The following PTPRD variants were observed in gnomAD, a reference collection of about 807,000 sequenced individuals.
The protein encoded by PTPRD is receptor-type tyrosine-protein phosphatase delta.
In PTPRD, 34 loss-of-function variants were observed where a neutral mutation model predicts 214.5. The ratio of observed to expected loss-of-function variants is 0.16; its 90% confidence interval spans 0.12 to 0.21. PTPRD has a LOEUF of 0.21. Ranked by LOEUF, PTPRD falls within the 10% of genes least tolerant of loss-of-function variation. The pLI, the probability that PTPRD is intolerant of heterozygous loss-of-function variation, is 1.00. For missense variants in PTPRD, 2,545 were observed against 2,398.7 expected (o/e 1.06, Z -1.27); for synonymous variants, 1,128 against 845.7 (o/e 1.33, Z -5.79).
At chr9:8,394,843 T>C (rs771675673) in intron 36 of PTPRD, among the ~76,000 whole-genome samples, 17 of 152,216 alleles carry the variant, frequency 1.1e-4, no homozygotes, top group South Asian at 1.0e-3. Context: ...CACATCTTGA[T>C]TGGAACCTGA....
chr9:8,605,931 T>A (rs987392816), intron 14 of PTPRD, among the ~76,000 whole-genome samples: 3 of 152,136 alleles, frequency 2.0e-5, no homozygotes, highest in African/African-American at 7.2e-5. Flanking sequence ...GATGAGTCCT[T>A]TGGGTTTTTT....
chr9:10,316,951 T>C (rs776352120), intron 3 of PTPRD, among the ~76,000 whole-genome samples: 1 of 151,818 alleles, frequency 6.6e-6, no homozygotes, highest in Non-Finnish European at 1.5e-5. Context: ...AGTCTCTAAA[T>C]ATTAAAAAAA....
chr9:9,558,351 T>C (rs2082044147), intron 8 of PTPRD, among the ~76,000 whole-genome samples: 1 of 152,210 alleles, frequency 6.6e-6, no homozygotes, highest in Admixed American at 6.5e-5. Flanking sequence ...TCATGCAGAA[T>C]GTAAACATCC....
intron 3 of PTPRD, among the ~76,000 whole-genome samples, chr9:10,339,249 C>A (rs2096896956): frequency 6.6e-6 from 1 of 151,736 alleles, no homozygotes; most frequent in Non-Finnish European, 1.5e-5. Flanking sequence ...TACAACCATG[C>A]AGTTGACATT....
rs568391614 is a variant in PTPRD at position 10,458,902 on chromosome 9, AT to A, written c.-599-117886del. Among the ~76,000 whole-genome samples the A allele has an allele frequency of 1.6e-3, 250 of 151,656 alleles. 2 individuals carry two copies. Among genetic ancestry groups the A allele is most frequent in the African/African-American group, 5.4e-3 (222 of 41,386 alleles). ...CTTTTATTTTTTAACTTTAAAAAGG[AT>A]TTTTTTTTATTACACTTTTAAGTCC... is the stretch of plus-strand genomic sequence containing the variant. On this transcript the variant is annotated intron_variant, in intron 2 of 45. Transcript: ENST00000381196.
intron 3 of PTPRD, among the ~76,000 whole-genome samples, chr9:10,320,921 T>A (rs1041506896): frequency 2.0e-5 from 3 of 151,572 alleles, no homozygotes; most frequent in South Asian, 4.2e-4. Context: ...AGAAACAGGG[T>A]TTTTCCATGT....
intron 3 of PTPRD, among the ~76,000 whole-genome samples, chr9:10,286,718 C>A (rs901590234): frequency 2.0e-5 from 3 of 152,102 alleles, no homozygotes; most frequent in Non-Finnish European, 2.9e-5. Flanking sequence ...CTTGCTACAG[C>A]ATCCCAAGTA....
chr9:10,037,617 T>C (rs189621801), intron 3 of PTPRD, among the ~76,000 whole-genome samples: 8 of 150,060 alleles, frequency 5.3e-5, no homozygotes, highest in African/African-American at 2.0e-4. Context: ...ATTCAGAAAC[T>C]GACACATTCA....
chr9:9,939,183 A>G (rs1289071335), intron 4 of PTPRD, among the ~76,000 whole-genome samples: 5 of 152,262 alleles, frequency 3.3e-5, no homozygotes, highest in African/African-American at 1.2e-4. Flanking sequence ...ATGGAAATAG[A>G]CCGCTTGACC....
intron 10 of PTPRD, among the ~76,000 whole-genome samples, chr9:9,157,047 T>C (rs765447907): frequency 6.6e-6 from 1 of 152,198 alleles, no homozygotes; most frequent in Non-Finnish European, 1.5e-5. Context: ...ATGATATTTA[T>C]CTATTAATCT....
intron 2 of PTPRD, among the ~76,000 whole-genome samples, chr9:10,544,561 G>A (rs2059808691): frequency 6.6e-6 from 1 of 152,072 alleles, no homozygotes; most frequent in Non-Finnish European, 1.5e-5. Context: ...CTGAAGAAAA[G>A]AGAATTATCA....
intron 3 of PTPRD, among the ~76,000 whole-genome samples, chr9:10,088,259 A>G (rs2098381513): frequency 2.0e-5 from 3 of 151,754 alleles, no homozygotes. Flanking sequence ...CCAGTAGGAA[A>G]TTTCTTCTTT....
intron 8 of PTPRD, among the ~76,000 whole-genome samples, chr9:9,499,230 C>T (rs972052269): frequency 1.3e-4 from 19 of 151,986 alleles, no homozygotes; most frequent in South Asian, 4.1e-4. Context: ...GTTATCAAGA[C>T]GTATGATGTT....
chr9:8,602,038 C>T lies in PTPRD; in HGVS notation c.352+31279G>A, dbSNP rs574469178. 8.5e-5 allele frequency among the ~76,000 whole-genome samples: 13 copies of T among 152,104 alleles called. No homozygotes were observed. In the South Asian group the frequency reaches 2.1e-3, roughly 24 times the overall value. ...AAGATATCAGATCTCCATCTCTACA[C>T]TCAGTCACTTACACTTAGCAATGTG... On this transcript the variant is annotated intron_variant, in intron 14 of 45. Coordinates refer to ENST00000381196, the MANE Select transcript of PTPRD (RefSeq NM_002839.4).
At position 8,697,565 on chromosome 9, in the gene PTPRD, G is replaced by T. The variant is rs765324501; in HGVS notation, c.64+36215C>A. Among the ~76,000 whole-genome samples, 58 of 151,594 alleles carry T rather than the reference G, an allele frequency of 3.8e-4. 1 individual carries two copies. The highest frequency in any genetic ancestry group is 6.3e-4 in the Non-Finnish European group (43 of 67,872). Reference sequence around the variant, plus strand: ...AGCCTCCTGAGTAGCTGGACTTACAGGTGCCCGCCACCACACCCGGCTAAT... The same window carrying T: ...AGCCTCCTGAGTAGCTGGACTTACATGTGCCCGCCACCACACCCGGCTAAT... On this transcript the variant is annotated intron_variant, in intron 12 of 45. Coordinates refer to ENST00000381196, the MANE Select transcript of PTPRD (RefSeq NM_002839.4).
intron 3 of PTPRD, among the ~76,000 whole-genome samples, chr9:10,208,429 G>A (rs568079443): frequency 3.9e-5 from 6 of 152,308 alleles, no homozygotes; most frequent in Admixed American, 3.3e-4. Flanking sequence ...CAGGAGAAGG[G>A]CGTGAACCCG....
At chr9:10,272,952 T>C (rs543245296) in intron 3 of PTPRD, among the ~76,000 whole-genome samples, 1 of 152,180 alleles carries the variant, frequency 6.6e-6, no homozygotes, top group Non-Finnish European at 1.5e-5. Flanking sequence ...CTCAATTCAG[T>C]AGAGATGAAA....
At chr9:8,408,776 C>T (rs12338043) in intron 35 of PTPRD, among the ~76,000 whole-genome samples, 2 of 152,130 alleles carry the variant, frequency 1.3e-5, no homozygotes, top group African/African-American at 4.8e-5. Context: ...CTCCTCCCCA[C>T]CGCAGCTTTT....
chr9:10,451,666 A>G (rs113531875), intron 2 of PTPRD, among the ~76,000 whole-genome samples: 3 of 150,940 alleles, frequency 2.0e-5, no homozygotes, highest in African/African-American at 7.4e-5. Context: ...AGGTACTATA[A>G]AAGTGTTCTT....
Sources: allele counts gnomAD v4.1 joint callset (sites outside exome capture counted in the v4.1 genomes callset), GRCh38; gene constraint gnomAD v4.1.1; transcripts MANE v1.5; gene names NCBI Gene and HGNC (gene_info 2026-07-23, HGNC 2026-07-21).